NEO1: variants seen among roughly 807,000 people sequenced by gnomAD.
The protein encoded by NEO1 is neogenin 1, also known as neogenin.
Under a neutral mutation model 159.7 loss-of-function variants are expected in NEO1, and 63 were observed. That is an observed-to-expected ratio of 0.39 (90% confidence interval 0.32 to 0.49). NEO1 has a LOEUF of 0.49. NEO1 is among the 20% of genes least tolerant of loss of function. NEO1 has a pLI of 0.85. For synonymous variants in NEO1, 633 were observed against 662.0 expected, an observed-to-expected ratio of 0.96 and a Z score of 0.67; for missense variants, 1,615 against 1,831.0, an observed-to-expected ratio of 0.88 and a Z score of 2.15.
intron 7 of NEO1, among the ~76,000 whole-genome samples, chr15:73,185,197 TA>T (rs1663431496): frequency 6.6e-6 from 1 of 152,070 alleles, no homozygotes; most frequent in South Asian, 2.1e-4. Context: ...TATGATACTA[TA>T]GGGGAGGATA....
chr15:73,127,078 A>G (rs2030364453), intron 4 of NEO1, among the ~76,000 whole-genome samples: 1 of 152,036 alleles, frequency 6.6e-6, no homozygotes, highest in Admixed American at 6.5e-5. Flanking sequence ...AAAAATACAA[A>G]AAATTAGCTG....
intron 8 of NEO1, among the ~76,000 whole-genome samples, chr15:73,243,958 A>G (rs2039616871): frequency 6.6e-6 from 1 of 152,168 alleles, no homozygotes; most frequent in African/African-American, 2.4e-5. Context: ...ATTTTCTGTG[A>G]AATATCATTA....
At chr15:73,286,062 T>C (rs76905973) in intron 23 of NEO1, among the ~76,000 whole-genome samples, 11,216 of 133,312 alleles carry the variant, frequency 0.084, 549 homozygotes, top group Non-Finnish European at 0.11. Flanking sequence ...ATTATAATTA[T>C]AACCTCACCC....
Position 73,249,129 on chromosome 15 carries a change from G to A in NEO1, c.1676G>A (p.Trp559Ter). 1 of 1,613,986 alleles carries A rather than the reference G, an allele frequency of 6.2e-7. No homozygotes were observed. Among genetic ancestry groups the A allele is most frequent in the Non-Finnish European group, 8.5e-7 (1 of 1,179,930 alleles). The change falls in exon 10 of 29, where the codon TGG (tryptophan) becomes TAG (stop). Residue 559 changes from tryptophan to a stop codon, truncating the protein, a stop_gained. Transcript: ENST00000261908. LOFTEE classifies it high-confidence loss of function. The part of the protein sequence containing the change: ...AASPTSITVT[W>*]ETPVSGNGEI... ...TCGCCTACCTCCATCACTGTTACGT[G>A]GGAAACACCAGTGTCTGGCAATGGG...
chr15:73,223,849 T>G (rs2038424831), intron 7 of NEO1, among the ~76,000 whole-genome samples: 1 of 152,220 alleles, frequency 6.6e-6, no homozygotes, highest in Non-Finnish European at 1.5e-5. Flanking sequence ...CTTGGTTTTT[T>G]GTTTTTTGTT....
chr15:73,201,686 A>G (rs541496517), intron 7 of NEO1, among the ~76,000 whole-genome samples: 45 of 152,138 alleles, frequency 3.0e-4, no homozygotes, highest in African/African-American at 1.1e-3. Context: ...ATTACAGTGA[A>G]TTTTGCCTAT....
At chr15:73,090,406 G>A (rs1290512462) in intron 1 of NEO1, among the ~76,000 whole-genome samples, 6 of 152,102 alleles carry the variant, frequency 3.9e-5, no homozygotes, top group African/African-American at 1.4e-4. Context: ...CTGCATGTGA[G>A]TGAGAGAGAA....
At chr15:73,245,635 C>G (rs1325783000) in intron 9 of NEO1, among the ~76,000 whole-genome samples, 3 of 150,902 alleles carry the variant, frequency 2.0e-5, no homozygotes, top group Non-Finnish European at 4.4e-5. Flanking sequence ...AGTGCAGTGG[C>G]ACAGTCTCTG....
At chr15:73,192,921 A>G (rs547514694) in intron 7 of NEO1, among the ~76,000 whole-genome samples, 1 of 152,184 alleles carries the variant, frequency 6.6e-6, no homozygotes, top group East Asian at 1.9e-4. Context: ...AGCCAAATAA[A>G]AACATCAATT....
chr15:73,218,846 A>G (rs1190039810), intron 7 of NEO1, among the ~76,000 whole-genome samples: 1 of 151,884 alleles, frequency 6.6e-6, no homozygotes, highest in East Asian at 1.9e-4. Context: ...GCAGTCTATC[A>G]ATTTTGTTGA....
intron 15 of NEO1, among the ~76,000 whole-genome samples, 176 bp downstream of exon 15, chr15:73,260,641 G>T (rs567859709): frequency 6.6e-6 from 1 of 152,020 alleles, no homozygotes; most frequent in Non-Finnish European, 1.5e-5. Context: ...GCTATATTTT[G>T]CAGAATGCCC....
intron 7 of NEO1, among the ~76,000 whole-genome samples, chr15:73,183,112 G>A (rs185013030): frequency 6.6e-6 from 1 of 152,262 alleles, no homozygotes; most frequent in East Asian, 1.9e-4. Context: ...GCTCCACAGA[G>A]TACTCCCAAT....
chr15:73,061,949 C>T (rs1354016364), intron 1 of NEO1, among the ~76,000 whole-genome samples: 2 of 152,082 alleles, frequency 1.3e-5, no homozygotes, highest in African/African-American at 4.8e-5. Context: ...TTTTGATGCT[C>T]CCAAATTTTT....
intron 7 of NEO1, among the ~76,000 whole-genome samples, chr15:73,186,367 C>CTTT (rs1379749777): frequency 6.6e-6 from 1 of 151,674 alleles, no homozygotes; most frequent in Non-Finnish European, 1.5e-5. Flanking sequence ...CAAAACTATA[C>CTTT]CCAGCAAAAA....
At chr15:73,262,178 A>C (rs897822870) in intron 15 of NEO1, among the ~76,000 whole-genome samples, 2 of 152,212 alleles carry the variant, frequency 1.3e-5, no homozygotes, top group Admixed American at 1.3e-4. Flanking sequence ...AAAGTGTAGG[A>C]AAAAATCTTT....
intron 13 of NEO1, among the ~76,000 whole-genome samples, chr15:73,256,306 C>G (rs1219786171): frequency 6.6e-6 from 1 of 152,046 alleles, no homozygotes; most frequent in Non-Finnish European, 1.5e-5. Context: ...TCAAGACCAG[C>G]CTGGCCAACA....
intron 1 of NEO1, among the ~76,000 whole-genome samples, chr15:73,077,127 T>C (rs7168829): frequency 0.12 from 18,580 of 152,152 alleles, 1,785 homozygotes; most frequent in African/African-American, 0.26. Context: ...CCCCAGAACC[T>C]CTGCCTCTCA....
intron 3 of NEO1, 126 bp from the exon 4 acceptor site, chr15:73,126,291 A>G (rs941731470): frequency 6.5e-6 from 5 of 772,066 alleles, no homozygotes; most frequent in African/African-American, 1.7e-5. Flanking sequence ...GCTGGTCTCA[A>G]ACTCCTGGGC....
chr15:73,113,560 C>T (rs1207688220), intron 1 of NEO1, among the ~76,000 whole-genome samples: 1 of 152,176 alleles, frequency 6.6e-6, no homozygotes, highest in Non-Finnish European at 1.5e-5. Flanking sequence ...GAACTTCTAG[C>T]TCAAGGTAGT....
Sources: allele counts gnomAD v4.1 joint callset (sites outside exome capture counted in the v4.1 genomes callset), GRCh38; gene constraint gnomAD v4.1.1; transcripts MANE v1.5; gene names NCBI Gene and HGNC (gene_info 2026-07-23, HGNC 2026-07-21).